The following MTHFD1L variants were observed in gnomAD, a reference collection of about 807,000 sequenced individuals.
MTHFD1L encodes the protein monofunctional C1-tetrahydrofolate synthase, mitochondrial.
In MTHFD1L, 81 loss-of-function variants were observed where a neutral mutation model predicts 119.5. The ratio of observed to expected loss-of-function variants is 0.68; its 90% CI spans 0.57 to 0.82. MTHFD1L has a LOEUF of 0.82. MTHFD1L is among the 40% of genes least tolerant of loss of function. The pLI, the probability that MTHFD1L is intolerant of heterozygous loss-of-function variation, is 0.00. For missense variants in MTHFD1L, 1,125 were observed against 1,253.4 expected (o/e 0.90, Z 1.55); for synonymous variants, 430 against 475.2 (o/e 0.90, Z 1.24).
At chr6:150,923,098 G>A (rs1789277547) in intron 10 of MTHFD1L, among the ~76,000 whole-genome samples, 1 of 152,120 alleles carries the variant, frequency 6.6e-6, no homozygotes, top group Non-Finnish European at 1.5e-5. Flanking sequence ...TTTCTACTCT[G>A]GGGATAAAGG....
chr6:150,926,333 A>G lies in MTHFD1L; in HGVS notation c.1256+38A>G. 1 of 1,563,694 alleles carries G rather than the reference A, an allele frequency of 6.4e-7. No homozygotes were observed. Among genetic ancestry groups the G allele is most frequent in the African/African-American group, 1.4e-5 (1 of 73,948 alleles). ...CTAACATCTACTTGATCAAGCAGACATATTTACAAAACTCTTCCCTATTTA... is the reference window on the plus strand; with the variant it reads ...CTAACATCTACTTGATCAAGCAGACGTATTTACAAAACTCTTCCCTATTTA... On this transcript the variant is annotated intron_variant, in intron 11 of 27. Coordinates refer to ENST00000367321, the MANE Select transcript of MTHFD1L (RefSeq NM_015440.5). This position sits in a 1 kb window ranked among gnomAD's most constrained non-coding sequence, Gnocchi z 4.3.
At chr6:150,924,641 A>G (rs1218578919) in intron 10 of MTHFD1L, among the ~76,000 whole-genome samples, 1 of 151,738 alleles carries the variant, frequency 6.6e-6, no homozygotes, top group Non-Finnish European at 1.5e-5. Flanking sequence ...ACACCTGGCT[A>G]ATTTGTTTGT....
intron 20 of MTHFD1L, among the ~76,000 whole-genome samples, chr6:150,990,177 G>C (rs1215565072): frequency 2.6e-5 from 4 of 151,988 alleles, no homozygotes; most frequent in Non-Finnish European, 5.9e-5. Context: ...TACTTGGGAG[G>C]CTGAGGCAGG....
Position 150,944,618 on chromosome 6 carries a change from T to C in MTHFD1L, c.1548+25T>C, listed in dbSNP as rs113472865. On this transcript the variant is annotated intron_variant, in intron 14 of 27. Transcript: ENST00000367321. ...GGTGAGAAGGATGCCTTGCTAGCCATTTTGGGTATTGTATCCTGGAATTCC... is the reference window on the plus strand; with the variant it reads ...GGTGAGAAGGATGCCTTGCTAGCCACTTTGGGTATTGTATCCTGGAATTCC... 7.7e-5 allele frequency: 120 copies of C among 1,549,640 alleles called. No individual in the cohort carries two copies. In the African/African-American group the frequency reaches 1.4e-3, roughly 19 times the overall value.
intron 16 of MTHFD1L, among the ~76,000 whole-genome samples, chr6:150,950,618 C>T (rs184662573): frequency 2.6e-3 from 401 of 152,316 alleles, no homozygotes; most frequent in Non-Finnish European, 4.5e-3. Context: ...GCTCTGCCCA[C>T]ACGATCATCA....
intron 15 of MTHFD1L, among the ~76,000 whole-genome samples, chr6:150,948,260 G>A (rs560028765): frequency 5.9e-5 from 9 of 151,652 alleles, no homozygotes; most frequent in Admixed American, 1.3e-4. Flanking sequence ...GCCCACCTCC[G>A]CCTCCCAAAG....
intron 7 of MTHFD1L, among the ~76,000 whole-genome samples, chr6:150,891,066 A>G (rs1421956393): frequency 6.6e-6 from 1 of 152,160 alleles, no homozygotes; most frequent in Admixed American, 6.5e-5. Flanking sequence ...GCTCACTGCA[A>G]CCTCTGTCTC....
intron 17 of MTHFD1L, chr6:150,959,160 A>G: frequency 1.0e-6 from 1 of 980,962 alleles, no homozygotes; most frequent in Non-Finnish European, 1.2e-6. Flanking sequence ...CTTTCAGGTA[A>G]TATTTTTTCA....
chr6:151,037,919 C>G (rs1786428271), intron 26 of MTHFD1L, among the ~76,000 whole-genome samples: 1 of 152,176 alleles, frequency 6.6e-6, no homozygotes, highest in South Asian at 2.1e-4. Flanking sequence ...TCTAACCCAT[C>G]ATTATCGTCA....
rs1343236434 is a variant in MTHFD1L, at chr6:151,092,564, A to G, written c.*8A>G. ...GTTAAAGGCTTGTTCTAAGTGGACA[A>G]GGCTCTCACAGGACCCGATGCAGGT... On this transcript the variant is annotated 3_prime_UTR_variant, in exon 27 of 28. Coordinates refer to ENST00000367321, the MANE Select transcript of MTHFD1L (RefSeq NM_015440.5). 9 of 1,609,010 alleles carry G rather than the reference A, an allele frequency of 5.6e-6. No homozygotes were observed. Among genetic ancestry groups the G allele is most frequent in the Non-Finnish European group, 7.6e-6 (9 of 1,177,134 alleles).
intron 26 of MTHFD1L, among the ~76,000 whole-genome samples, chr6:151,049,777 A>G (rs896422109): frequency 3.3e-5 from 5 of 152,090 alleles, no homozygotes; most frequent in African/African-American, 1.2e-4. Flanking sequence ...TATGATATAT[A>G]TTGATTTTCG....
chr6:150,977,078 G>A (rs893754282), intron 20 of MTHFD1L, among the ~76,000 whole-genome samples: 6 of 152,182 alleles, frequency 3.9e-5, no homozygotes, highest in Admixed American at 6.5e-5. Flanking sequence ...GAATAAGACA[G>A]GTTTCTTGCC....
intron 26 of MTHFD1L, among the ~76,000 whole-genome samples, chr6:151,086,142 G>A (rs2128640430): frequency 6.6e-6 from 1 of 152,288 alleles, no homozygotes. Flanking sequence ...TGCCGACCAG[G>A]AATGTAGTTA....
rs564643147 is a variant in MTHFD1L at position 150,937,698 on chromosome 6, C to T, written c.1393+758C>T. Reference sequence around the variant, plus strand: ...TTGGTCACAGCTGTGTTTCCTACCGCCATGTGACCCTTGGCCACTTGAGCC... The same window carrying T: ...TTGGTCACAGCTGTGTTTCCTACCGTCATGTGACCCTTGGCCACTTGAGCC... On this transcript the variant is annotated intron_variant, in intron 12 of 27. Transcript: ENST00000367321. Among the ~76,000 whole-genome samples the T allele has an allele frequency of 2.6e-5, 4 of 152,252 alleles. No homozygotes were observed. The South Asian group carries it at 6.2e-4, about 24-fold the overall frequency.
At chr6:150,934,896 C>T (rs1294823591) in intron 11 of MTHFD1L, 9 of 1,500,778 alleles carry the variant, frequency 6.0e-6, no homozygotes, top group African/African-American at 1.4e-5. Flanking sequence ...ATAGCTGGAT[C>T]AGCTACCAAG....
intron 24 of MTHFD1L, among the ~76,000 whole-genome samples, chr6:151,023,310 G>C (rs1396251420): frequency 1.3e-5 from 2 of 152,056 alleles, no homozygotes; most frequent in African/African-American, 4.8e-5. Context: ...GCCTCCCAAA[G>C]TGCCGGGATT....
intron 15 of MTHFD1L, 62 bp downstream of exon 15, chr6:150,945,603 G>A (rs1793802592): frequency 1.3e-6 from 2 of 1,503,296 alleles, no homozygotes; most frequent in Non-Finnish European, 9.2e-7. Flanking sequence ...CAGAAAGATT[G>A]TCAAAGCCTG....
intron 26 of MTHFD1L, among the ~76,000 whole-genome samples, chr6:151,056,810 C>A (rs1487933566): frequency 6.6e-6 from 1 of 152,152 alleles, no homozygotes; most frequent in Non-Finnish European, 1.5e-5. Context: ...TCTGTTTCCC[C>A]ACAAGGTGTT....
intron 26 of MTHFD1L, among the ~76,000 whole-genome samples, chr6:151,084,970 G>GAAAAAA (rs3055594): frequency 4.2e-5 from 5 of 120,178 alleles, no homozygotes; most frequent in African/African-American, 6.7e-5. Flanking sequence ...CCATCTCAAA[G>GAAAAAA]AAAAAAAAAA....
Sources: gnomAD v4.1 joint callset for allele counts (sites outside exome capture counted in the v4.1 genomes callset) on GRCh38, gnomAD v4.1.1 for gene constraint, Gnocchi (gnomAD v3.1) non-coding constraint, MANE v1.5 for transcripts, NCBI Gene and HGNC (gene_info 2026-07-23, HGNC 2026-07-21) for gene names.